LRMDA: variants seen among roughly 807,000 people sequenced by gnomAD.
LRMDA encodes leucine-rich melanocyte differentiation-associated protein.
LRMDA carries 18 observed loss-of-function variants against 29.8 expected under a neutral mutation model. The observed-to-expected ratio is 0.60, with a 90% CI of 0.42 to 0.90. LRMDA has a LOEUF of 0.90. Ranked by LOEUF, LRMDA falls within the 40% of genes least tolerant of loss-of-function variation. LRMDA has a pLI of 0.00. For missense variants in LRMDA, 273 were observed against 273.9 expected (o/e 1.00, Z 0.02); for synonymous variants, 125 against 109.4 (o/e 1.14, Z -0.89).
intron 3 of LRMDA, among the ~76,000 whole-genome samples, chr10:76,043,330 T>C (rs1219637186): frequency 6.6e-6 from 1 of 152,198 alleles, no homozygotes; most frequent in South Asian, 2.1e-4. Context: ...CTACTGATAC[T>C]GTTGGAAGAA....
intron 2 of LRMDA, among the ~76,000 whole-genome samples, chr10:75,613,354 A>G (rs561768875): frequency 1.3e-5 from 2 of 152,300 alleles, no homozygotes; most frequent in East Asian, 3.9e-4. Flanking sequence ...GCAGTGAGGG[A>G]TAGGGGTGGA....
At chr10:76,366,486 T>C (rs1841393250) in intron 6 of LRMDA, among the ~76,000 whole-genome samples, 1 of 152,224 alleles carries the variant, frequency 6.6e-6, no homozygotes, top group Admixed American at 6.5e-5. Context: ...TTAGGTGTAT[T>C]CCTAAGTATT....
At chr10:75,927,957 T>A (rs1846146739) in intron 2 of LRMDA, among the ~76,000 whole-genome samples, 2 of 152,206 alleles carry the variant, frequency 1.3e-5, no homozygotes, top group South Asian at 4.1e-4. Flanking sequence ...CTCACAGGGT[T>A]GTTGTGAAAA....
intron 6 of LRMDA, among the ~76,000 whole-genome samples, chr10:76,533,995 C>T (rs1395531458): frequency 1.3e-5 from 2 of 152,142 alleles, no homozygotes; most frequent in African/African-American, 4.8e-5. Flanking sequence ...GTGGGATGCT[C>T]ATTCATTGAC....
chr10:75,791,081 G>A (rs754844764), intron 2 of LRMDA, among the ~76,000 whole-genome samples: 3 of 152,192 alleles, frequency 2.0e-5, no homozygotes, highest in Non-Finnish European at 4.4e-5. Flanking sequence ...TGGGGACAGA[G>A]CATCCCACTT....
intron 2 of LRMDA, among the ~76,000 whole-genome samples, chr10:75,577,439 G>A (rs1202809670): frequency 2.0e-5 from 3 of 152,302 alleles, no homozygotes; most frequent in East Asian, 3.9e-4. Context: ...GTAACGGGGA[G>A]GATGGAACCA....
chr10:76,005,136 GTCT>G (rs1373301273), intron 2 of LRMDA, among the ~76,000 whole-genome samples: 5 of 152,094 alleles, frequency 3.3e-5, no homozygotes, highest in African/African-American at 1.2e-4. Flanking sequence ...TAGCATTTCA[GTCT>G]TCTTTCTTTC....
chr10:76,098,663 G>A (rs1046472343), intron 5 of LRMDA, among the ~76,000 whole-genome samples: 6 of 151,850 alleles, frequency 4.0e-5, no homozygotes, highest in African/African-American at 1.2e-4. Flanking sequence ...TAATGTAACC[G>A]CCCAGCAGGT....
chr10:75,907,539 T>C (rs1845777287), intron 2 of LRMDA, among the ~76,000 whole-genome samples: 1 of 152,228 alleles, frequency 6.6e-6, no homozygotes, highest in Non-Finnish European at 1.5e-5. Context: ...ATACCTTCTC[T>C]GTGACAAACA....
chr10:76,556,034 A>T (rs1211643484), intron 6 of LRMDA, among the ~76,000 whole-genome samples: 1 of 152,216 alleles, frequency 6.6e-6, no homozygotes, highest in Non-Finnish European at 1.5e-5. Context: ...CAGGTGGCAA[A>T]AACAAAACAG....
At chr10:75,726,535 C>A (rs769276102) in intron 2 of LRMDA, among the ~76,000 whole-genome samples, 3 of 152,114 alleles carry the variant, frequency 2.0e-5, no homozygotes, top group Admixed American at 1.3e-4. Flanking sequence ...CCAGGTCTTA[C>A]GATTTCTTAC....
At chr10:76,340,751 C>T (rs898895913) in intron 6 of LRMDA, among the ~76,000 whole-genome samples, 4 of 151,896 alleles carry the variant, frequency 2.6e-5, no homozygotes, top group African/African-American at 9.7e-5. Context: ...GATGTGCTAG[C>T]CAAAGCAATG....
intron 2 of LRMDA, among the ~76,000 whole-genome samples, chr10:75,794,915 A>T (rs188742811): frequency 1.3e-3 from 201 of 151,200 alleles, no homozygotes; most frequent in Non-Finnish European, 2.6e-3. Context: ...GATAAGCAGA[A>T]GGTTTTATTT....
At chr10:75,817,470 AT>A (rs1257283844) in intron 2 of LRMDA, among the ~76,000 whole-genome samples, 1 of 152,196 alleles carries the variant, frequency 6.6e-6, no homozygotes, top group African/African-American at 2.4e-5. Context: ...AAAATAAACC[AT>A]GTGATACAGT....
At chr10:76,102,132 T>A (rs534274858) in intron 5 of LRMDA, among the ~76,000 whole-genome samples, 36 of 152,364 alleles carry the variant, frequency 2.4e-4, no homozygotes, top group African/African-American at 8.4e-4. Context: ...TGAATAATAC[T>A]CCTTTGTATG....
chr10:76,113,702 C>T (rs1399698233), intron 5 of LRMDA, among the ~76,000 whole-genome samples: 1 of 152,126 alleles, frequency 6.6e-6, no homozygotes, highest in African/African-American at 2.4e-5. Flanking sequence ...ATGTGGCTGT[C>T]CCCAGCCTCC....
chr10:76,104,069 A>G (rs1285537759), intron 5 of LRMDA, among the ~76,000 whole-genome samples: 2 of 151,516 alleles, frequency 1.3e-5, no homozygotes, highest in Non-Finnish European at 2.9e-5. Context: ...AAAATTCCAC[A>G]CCATTCCCTT....
At chr10:75,719,135 A>G (rs1455039734) in intron 2 of LRMDA, among the ~76,000 whole-genome samples, 1 of 152,260 alleles carries the variant, frequency 6.6e-6, no homozygotes, top group African/African-American at 2.4e-5. Context: ...TAATAGATGC[A>G]TAACATGTCC....
chr10:75,879,048 A>G (rs1045714754), intron 2 of LRMDA, among the ~76,000 whole-genome samples: 1 of 152,210 alleles, frequency 6.6e-6, no homozygotes, highest in African/African-American at 2.4e-5. Context: ...ATCCAGAGAC[A>G]CATCTGTTCC....
Sources: allele counts gnomAD v4.1 joint callset (sites outside exome capture counted in the v4.1 genomes callset), GRCh38; gene constraint gnomAD v4.1.1; transcripts MANE v1.5; gene names NCBI Gene and HGNC (gene_info 2026-07-23, HGNC 2026-07-21).